The following ACTN1 variants were observed in gnomAD, a reference collection of about 807,000 sequenced individuals.
ACTN1 encodes the protein alpha-actinin-1.
In ACTN1, 30 loss-of-function variants were observed where a neutral mutation model predicts 119.6. That is an observed-to-expected ratio of 0.25 (90% CI 0.19 to 0.34). The LOEUF is 0.34. Ranked by LOEUF, ACTN1 falls within the 10% of genes least tolerant of loss-of-function variation. The probability of loss-of-function intolerance (pLI) is 1.00; values close to 1 mark genes in which losing one functional copy is unlikely to be tolerated. For missense variants in ACTN1, 764 were observed against 1,223.4 expected (o/e 0.62, Z 5.60); for synonymous variants, 429 against 472.6 (o/e 0.91, Z 1.20).
At chr14:68,957,168 G>C (rs545744335) in intron 1 of ACTN1, among the ~76,000 whole-genome samples, 1 of 152,218 alleles carries the variant, frequency 6.6e-6, no homozygotes, top group East Asian at 1.9e-4. Flanking sequence ...TGGGCTGGCC[G>C]GAGGATACAC....
intron 1 of ACTN1, among the ~76,000 whole-genome samples, chr14:68,970,079 C>T (rs141017860): frequency 6.6e-6 from 1 of 152,328 alleles, no homozygotes; most frequent in African/African-American, 2.4e-5. Context: ...TGCTCCCCTA[C>T]AAGCCCTGGC....
chr14:68,961,556 GC>G lies in ACTN1; in HGVS notation c.105+17395del, dbSNP rs761167112. Among the ~76,000 whole-genome samples, 106 of 152,342 alleles carry G rather than the reference GC, an allele frequency of 7.0e-4. 1 individual carries two copies. The highest frequency in any genetic ancestry group is 1.1e-3 in the Non-Finnish European group (73 of 68,034). On this transcript the variant is annotated intron_variant, in intron 1 of 21. Transcript: ENST00000394419. ...CACAGGCCGCCACACGGGGCACAGG[GC>G]GCGGGGGCACGGGGGTGGGCTATAG...
At chr14:68,957,478 A>T (rs2036386807) in intron 1 of ACTN1, among the ~76,000 whole-genome samples, 1 of 152,220 alleles carries the variant, frequency 6.6e-6, no homozygotes, top group Non-Finnish European at 1.5e-5. Flanking sequence ...CACACCTGCC[A>T]TGCCCATTCT....
chr14:68,875,152 G>A, intron 21 of ACTN1, 135 bp from the exon 22 acceptor site: 1 of 1,533,296 alleles, frequency 6.5e-7, no homozygotes, highest in Non-Finnish European at 8.7e-7. Flanking sequence ...TGTAACTACA[G>A]GATGTACGGA....
At chr14:68,978,349 C>G (rs547225501) in intron 1 of ACTN1, 3 of 385,310 alleles carry the variant, frequency 7.8e-6, no homozygotes, top group Admixed American at 6.2e-5. Context: ...GGGGAGCCCG[C>G]GTACGCCCCC....
intron 1 of ACTN1, among the ~76,000 whole-genome samples, chr14:68,967,875 CTT>C (rs1479058881): frequency 1.3e-5 from 2 of 152,226 alleles, no homozygotes; most frequent in African/African-American, 4.8e-5. Context: ...AGAGCAGTCT[CTT>C]GTCTTGCAGA....
Position 68,880,469 on chromosome 14 carries a change from A to G in ACTN1, c.2133+341T>C, listed in dbSNP as rs2031401899. On this transcript the variant is annotated intron_variant, in intron 17 of 21. Transcript: ENST00000394419. The surrounding 1 kb of genome is among the most constrained non-coding windows in gnomAD (Gnocchi z 4.6). ...GCCACGCGCGCACACACACATACAC[A>G]CACACACACTCTTGCACAGTTAAAA... Among the ~76,000 whole-genome samples the G allele has an allele frequency of 6.6e-6, 1 of 151,720 alleles. No homozygotes were observed. The highest frequency in any genetic ancestry group is 2.1e-4 in the South Asian group (1 of 4,786).
Position 68,885,370 on chromosome 14 carries a change from A to G in ACTN1, c.1385+55T>C. On this transcript the variant is annotated intron_variant, in intron 12 of 21. Transcript: ENST00000394419. The surrounding 1 kb of genome is among the most constrained non-coding windows in gnomAD (Gnocchi z 5.6). ...ACACCCCCACCTCCCCCAGCAGCTG[A>G]GAAAGCCCAGCCTCAGCCCCTCACC... 1 of 1,447,094 alleles carries G rather than the reference A, an allele frequency of 6.9e-7. No homozygotes were observed. Among genetic ancestry groups the G allele is most frequent in the Non-Finnish European group, 9.2e-7 (1 of 1,081,240 alleles). 89.6% of individuals were successfully genotyped at this position (1,447,094 alleles called of 1,614,324 possible).
At position 68,879,427 on chromosome 14, in the gene ACTN1, G is replaced by A. The variant is rs1484759128; in HGVS notation, c.2281-358C>T. Among the ~76,000 whole-genome samples, 1 of 152,072 alleles carries A rather than the reference G, an allele frequency of 6.6e-6. No homozygotes were observed. The highest frequency in any genetic ancestry group is 1.5e-5 in the Non-Finnish European group (1 of 67,974). ...GAGCCATGAAGCAGGTGGGGTGGTGGGCAGCACCCAAGCCCATGCTCCCAC... is the reference window on the plus strand; with the variant it reads ...GAGCCATGAAGCAGGTGGGGTGGTGAGCAGCACCCAAGCCCATGCTCCCAC... On this transcript the variant is annotated intron_variant, in intron 18 of 21. Coordinates refer to ENST00000394419, the MANE Select transcript of ACTN1 (RefSeq NM_001130004.2). This position sits in a 1 kb window ranked among gnomAD's most constrained non-coding sequence, Gnocchi z 4.9.
At chr14:68,971,328 A>G (rs749740581) in intron 1 of ACTN1, among the ~76,000 whole-genome samples, 4 of 152,244 alleles carry the variant, frequency 2.6e-5, no homozygotes, top group Non-Finnish European at 5.9e-5. Context: ...GACATAGTTA[A>G]TAAGTACTGG....
In ACTN1 at chr14:68,880,746, A is replaced by T. The variant is rs548666468; in HGVS notation, c.2133+64T>A. 3,645 of 1,550,316 alleles carry T rather than the reference A, an allele frequency of 2.4e-3. 6 individuals carry two copies. Among genetic ancestry groups the T allele is most frequent in the Non-Finnish European group, 2.9e-3 (3,249 of 1,131,480 alleles). ...GACCTGTTCCCTTGGAGACTTCCCC[A>T]CCCAGGAGAAAGAGCAGAAGGGGCC... On this transcript the variant is annotated intron_variant, in intron 17 of 21. Coordinates refer to ENST00000394419, the MANE Select transcript of ACTN1 (RefSeq NM_001130004.2). This position sits in a 1 kb window ranked among gnomAD's most constrained non-coding sequence, Gnocchi z 4.6.
At chr14:68,950,518 T>C (rs1186887298) in intron 1 of ACTN1, among the ~76,000 whole-genome samples, 1 of 144,114 alleles carries the variant, frequency 6.9e-6, no homozygotes, top group Non-Finnish European at 1.5e-5. Context: ...AAAATAACAG[T>C]GTTACCTGTG....
At chr14:68,883,398 C>T in intron 14 of ACTN1, 1 of 242,052 alleles carries the variant, frequency 4.1e-6, no homozygotes, top group Non-Finnish European at 8.1e-6. Context: ...CTTTTAAATC[C>T]AGTATTCTGC....
intron 1 of ACTN1, among the ~76,000 whole-genome samples, chr14:68,970,716 T>C (rs1231061099): frequency 6.6e-6 from 1 of 152,194 alleles, no homozygotes; most frequent in Non-Finnish European, 1.5e-5. Flanking sequence ...AGTCTATTCC[T>C]GACAGTTACT....
intron 1 of ACTN1, among the ~76,000 whole-genome samples, chr14:68,933,712 T>TG (rs2035345247): frequency 6.6e-6 from 1 of 152,060 alleles, no homozygotes; most frequent in African/African-American, 2.4e-5. Flanking sequence ...CTGGGTGTAG[T>TG]GGCTTATGCC....
At chr14:68,887,984 G>T in intron 11 of ACTN1, 1 of 768,874 alleles carries the variant, frequency 1.3e-6, no homozygotes, top group Non-Finnish European at 2.4e-6. Context: ...TTTCGGCTTC[G>T]CTTCCACTTT....
intron 1 of ACTN1, among the ~76,000 whole-genome samples, chr14:68,934,036 T>C (rs2035363769): frequency 1.3e-5 from 2 of 151,616 alleles, no homozygotes; most frequent in Admixed American, 1.3e-4. Context: ...TTTGAAATGC[T>C]GCCACAATAT....
rs532727940 is a variant in ACTN1, at chr14:68,979,059, T to C, written c.-3A>G. 8.9e-6 allele frequency: 14 copies of C among 1,568,746 alleles called. No homozygotes were observed. The East Asian group carries it at 1.7e-4, about 19-fold the overall frequency. On this transcript the variant is annotated 5_prime_UTR_variant, in exon 1 of 22. Coordinates refer to ENST00000394419, the MANE Select transcript of ACTN1 (RefSeq NM_001130004.2). ...TGCTGAGAATCATAATGGTCCATGA[T>C]GGTGCGCGCGTGCTAGGGTCTGGAT...
intron 1 of ACTN1, among the ~76,000 whole-genome samples, chr14:68,953,453 C>G (rs2036237133): frequency 6.6e-6 from 1 of 152,228 alleles, no homozygotes; most frequent in Non-Finnish European, 1.5e-5. Flanking sequence ...AGACACATAT[C>G]CTCTGCCCTT....
Sources: allele counts gnomAD v4.1 joint callset (sites outside exome capture counted in the v4.1 genomes callset), GRCh38; gene constraint gnomAD v4.1.1; non-coding constraint Gnocchi (gnomAD v3.1); transcripts MANE v1.5; gene names NCBI Gene and HGNC (gene_info 2026-07-23, HGNC 2026-07-21).